Variants in CLEC16A observed in about 807,000 individuals in gnomAD.
CLEC16A encodes protein CLEC16A.
Under a neutral mutation model 109.5 loss-of-function variants are expected in CLEC16A, and 51 were observed. The observed-to-expected ratio is 0.47, with a 90% CI of 0.37 to 0.59. The LOEUF is 0.59. Ranked by LOEUF, CLEC16A falls within the 20% of genes least tolerant of loss-of-function variation. CLEC16A has a pLI of 0.00. For synonymous variants in CLEC16A, 673 were observed against 564.2 expected (o/e 1.19, Z -2.73); for missense variants, 1,339 against 1,394.0 (o/e 0.96, Z 0.63).
At chr16:11,002,493 T>C (rs564536376) in intron 10 of CLEC16A, among the ~76,000 whole-genome samples, 15 of 152,380 alleles carry the variant, frequency 9.8e-5, no homozygotes, top group African/African-American at 3.6e-4. Flanking sequence ...TTTCTCTTTA[T>C]TAAAATATGT....
At chr16:11,144,713 A>C (rs1030358044) in intron 22 of CLEC16A, among the ~76,000 whole-genome samples, 7 of 152,220 alleles carry the variant, frequency 4.6e-5, no homozygotes, top group Non-Finnish European at 2.9e-5. Context: ...CAGTTAAGTC[A>C]CAGTGAAGAG....
intron 1 of CLEC16A, among the ~76,000 whole-genome samples, chr16:10,952,048 T>C (rs938605077): frequency 1.3e-4 from 20 of 152,216 alleles, no homozygotes; most frequent in Admixed American, 3.9e-4. Context: ...ACCTCAACTA[T>C]GTAAATATCC....
At chr16:11,122,077 C>G (rs946758659) in intron 20 of CLEC16A, among the ~76,000 whole-genome samples, 1 of 132,726 alleles carries the variant, frequency 7.5e-6, no homozygotes, top group African/African-American at 2.9e-5. Context: ...CAGTCCATTT[C>G]TTTGCCAGCC....
At chr16:11,074,860 C>CT (rs887885987) in intron 19 of CLEC16A, among the ~76,000 whole-genome samples, 2 of 152,068 alleles carry the variant, frequency 1.3e-5, no homozygotes, top group African/African-American at 4.8e-5. Flanking sequence ...ACTGTTTGAG[C>CT]TTTTTTTGCC....
At chr16:11,066,507 G>C (rs1399409797) in intron 19 of CLEC16A, 4 of 152,596 alleles carry the variant, frequency 2.6e-5, no homozygotes, top group Non-Finnish European at 4.4e-5. Context: ...GACGTGCCAT[G>C]AGGGAGCTCA....
chr16:10,956,416 G>A (rs750562747), intron 1 of CLEC16A, among the ~76,000 whole-genome samples: 2 of 151,988 alleles, frequency 1.3e-5, no homozygotes, highest in Non-Finnish European at 2.9e-5. Context: ...TTCCTTCCTT[G>A]CTCTCACCAG....
In CLEC16A at chr16:11,181,154, T is replaced by G. The variant is rs202152621; in HGVS notation, c.*2464T>G. Reference sequence around the variant, plus strand: ...CCAGCCCATTGGAGGCCACCAGCCATTTTGGCTTCAAAGGACCCCACCTCA... The same window carrying G: ...CCAGCCCATTGGAGGCCACCAGCCAGTTTGGCTTCAAAGGACCCCACCTCA... On this transcript the variant is annotated 3_prime_UTR_variant, in exon 24 of 24. Coordinates refer to ENST00000409790, the MANE Select transcript of CLEC16A (RefSeq NM_015226.3). 3.3e-5 allele frequency: 5 copies of G among 152,356 alleles called. No individual in the cohort carries two copies. The allele number at this position is 152,356 out of a possible 1,614,324, so 9.4% of individuals were successfully genotyped here. A position where few individuals can be genotyped will look rare whatever the true frequency, so the allele number is the denominator to read the frequency against.
At chr16:11,157,231 G>A in intron 22 of CLEC16A, 2 of 1,215,236 alleles carry the variant, frequency 1.6e-6, no homozygotes, top group Non-Finnish European at 2.1e-6. Flanking sequence ...GCGTTGTGAG[G>A]TGCAGCCTAG....
At chr16:10,985,980 A>G (rs958548833) in intron 10 of CLEC16A, among the ~76,000 whole-genome samples, 1 of 139,152 alleles carries the variant, frequency 7.2e-6, no homozygotes, top group African/African-American at 2.8e-5. Flanking sequence ...TGTTGGGATT[A>G]CAAGTGTGAG....
chr16:11,145,068 G>A (rs1211471956), intron 22 of CLEC16A, among the ~76,000 whole-genome samples: 1 of 152,180 alleles, frequency 6.6e-6, no homozygotes, highest in Non-Finnish European at 1.5e-5. Flanking sequence ...ACCACCATGT[G>A]CACATGGGTC....
rs950790592 is a variant in CLEC16A, at chr16:11,120,565, C to A, written c.2117-50C>A. 26 of 1,552,856 alleles carry A rather than the reference C, an allele frequency of 1.7e-5. No individual in the cohort carries two copies. In the African/African-American group the frequency reaches 3.4e-4, roughly 20 times the overall value. ...GAGTCAGCTTTGGTGTCTCCATCAC[C>A]CTGGGCAGCCAGACTGTGCCTCATT... On this transcript the variant is annotated intron_variant, in intron 19 of 23. Transcript: ENST00000409790.
intron 14 of CLEC16A, chr16:11,041,162 G>A (rs2047314049): frequency 6.6e-6 from 1 of 152,246 alleles, no homozygotes; most frequent in East Asian, 1.9e-4. Flanking sequence ...ACCCAGCTAT[G>A]AGACCTAGGA....
intron 9 of CLEC16A, 80 bp downstream of exon 9, chr16:10,979,462 C>T: frequency 8.2e-7 from 1 of 1,219,748 alleles, no homozygotes; most frequent in Non-Finnish European, 1.2e-6. Flanking sequence ...AATCCCCAGG[C>T]CTTATCACCC....
chr16:11,129,613 G>A (rs1449201761), intron 22 of CLEC16A, among the ~76,000 whole-genome samples: 1 of 152,202 alleles, frequency 6.6e-6, no homozygotes. Flanking sequence ...CTGCCCCAGG[G>A]CCTTGCACTG....
At chr16:11,003,758 G>A (rs1297333601) in intron 11 of CLEC16A, among the ~76,000 whole-genome samples, 1 of 152,060 alleles carries the variant, frequency 6.6e-6, no homozygotes, top group Non-Finnish European at 1.5e-5. Flanking sequence ...CCTTATTACT[G>A]ATATAATTAT....
chr16:11,020,915 A>T (rs936676922), intron 12 of CLEC16A, among the ~76,000 whole-genome samples: 3 of 152,194 alleles, frequency 2.0e-5, no homozygotes, highest in African/African-American at 7.2e-5. Context: ...ATGGGATTGG[A>T]GGGAAGGCTA....
chr16:11,024,851 G>A lies in CLEC16A; in HGVS notation c.1467G>A (p.Leu489=), dbSNP rs1182867847. The A allele has an allele frequency of 1.0e-5, 16 of 1,607,842 alleles. No homozygotes were observed. Among genetic ancestry groups the A allele is most frequent in the Non-Finnish European group, 1.4e-5 (16 of 1,177,170 alleles). Residue 489 remains leucine, a synonymous_variant, in exon 13 of 24, where the codon CTG becomes CTA. Transcript: ENST00000409790. ...RPFLDMVYHA[L]DSPDDDYHAL... ...TCCTGGATATGGTGTACCACGCGCT[G>A]GACAGCCCGGATGATGATTACCATG...
chr16:11,120,840 C>A (rs148559638), intron 20 of CLEC16A, 74 bp downstream of exon 20: 139 of 885,096 alleles, frequency 1.6e-4, no homozygotes, highest in Admixed American at 2.6e-4. Flanking sequence ...ACACACACAC[C>A]ACACACAATT....
At chr16:11,133,459 C>T (rs2053364029) in intron 22 of CLEC16A, among the ~76,000 whole-genome samples, 1 of 152,124 alleles carries the variant, frequency 6.6e-6, no homozygotes, top group Non-Finnish European at 1.5e-5. Flanking sequence ...TGACCCAGAG[C>T]ACTTAATAGT....
Sources: gnomAD v4.1 joint callset for allele counts (sites outside exome capture counted in the v4.1 genomes callset) on GRCh38, gnomAD v4.1.1 for gene constraint, MANE v1.5 for transcripts, NCBI Gene and HGNC (gene_info 2026-07-23, HGNC 2026-07-21) for gene names.